Variants in ZNF337 observed in about 807,000 individuals in gnomAD.
The protein encoded by ZNF337 is zinc finger protein 337.
ZNF337 carries 8 observed loss-of-function variants against 12.1 expected under a neutral mutation model. The ratio of observed to expected loss-of-function variants is 0.66; its 90% CI spans 0.39 to 1.19. The LOEUF (loss-of-function observed/expected upper bound fraction) is 1.19. ZNF337 is among the 50% of genes most tolerant of loss of function. ZNF337 has a pLI of 0.01. For synonymous variants in ZNF337, 336 were observed against 320.0 expected, an observed-to-expected ratio of 1.05 and a Z score of -0.53; for missense variants, 882 against 896.6, an observed-to-expected ratio of 0.98 and a Z score of 0.21.
chr20:25,691,808 A>G (rs189097086), intron 1 of ZNF337, among the ~76,000 whole-genome samples: 1 of 152,294 alleles, frequency 6.6e-6, no homozygotes, highest in African/African-American at 2.4e-5. Flanking sequence ...CGTGTAGTTT[A>G]AATGGTTGTT....
chr20:25,683,229 AATCATCATCATCATC>A (rs3063022), intron 4 of ZNF337, among the ~76,000 whole-genome samples: 30 of 148,506 alleles, frequency 2.0e-4, no homozygotes, highest in South Asian at 8.7e-4. Flanking sequence ...TAGAGGTAAG[AATCATCATCATCATC>A]ATCATCATCA....
At chr20:25,679,245 C>T (rs2065740843) in intron 4 of ZNF337, among the ~76,000 whole-genome samples, 1 of 152,144 alleles carries the variant, frequency 6.6e-6, no homozygotes, top group Non-Finnish European at 1.5e-5. Flanking sequence ...TGCTTTAGGA[C>T]ACTGGCCTAA....
In ZNF337 at chr20:25,675,499, C is replaced by T; in HGVS notation, c.1789G>A (p.Glu597Lys). The change falls in exon 5 of 5, where the codon GAG becomes AAG. Residue 597 changes from glutamate (E) to lysine (K), a missense_variant. Transcript: ENST00000252979. ...LLFHQKTHSG[E>K]KPFICSECGQ... The stretch of plus-strand genomic sequence containing the variant: ...CATTCACTACAGATGAAAGGCTTCT[C>T]CCCTGAGTGTGTCTTCTGGTGGAAG... 1 of 1,614,214 alleles carries T rather than the reference C, an allele frequency of 6.2e-7. No homozygotes were observed. The highest frequency in any genetic ancestry group is 8.5e-7 in the Non-Finnish European group (1 of 1,180,036).
chr20:25,694,671 A>ATT, intron 1 of ZNF337, among the ~76,000 whole-genome samples: 1 of 152,264 alleles, frequency 6.6e-6, no homozygotes, highest in Admixed American at 6.5e-5. Flanking sequence ...ATGCCTATGT[A>ATT]TGAGGCTTGG....
chr20:25,696,619 C>T (rs987807756), intron 1 of ZNF337, 140 bp downstream of exon 1: 3 of 539,840 alleles, frequency 5.6e-6, no homozygotes, highest in African/African-American at 2.1e-5. Flanking sequence ...CTCCGCCCCT[C>T]CCCAGAACGC....
Position 25,675,135 on chromosome 20 carries a change from C to T in ZNF337, c.2153G>A (p.Cys718Tyr), listed in dbSNP as rs2065662154. The T allele has an allele frequency of 1.2e-6, 2 of 1,614,200 alleles. No homozygotes were observed. Among genetic ancestry groups the T allele is most frequent in the Non-Finnish European group, 1.7e-6 (2 of 1,180,036 alleles). Residue 718 changes from cysteine to tyrosine, a missense_variant, in exon 5 of 5, where the codon TGT becomes TAT. Coordinates refer to ENST00000252979, the MANE Select transcript of ZNF337 (RefSeq NM_015655.4). ...TGACTTATTGCTAAACTTTCGTCCA[C>T]ACTCTTGGCATTCATAAGGCCTCTC... ...TGERPYECQE[C>Y]GRKFSNKSYY... is the part of the protein sequence containing the mutation.
At position 25,676,418 on chromosome 20, in the gene ZNF337, CT is replaced by C. The variant is rs761222475; in HGVS notation, c.869del (p.Lys290SerfsTer22). On this transcript the variant is annotated frameshift_variant, in exon 5 of 5. Coordinates refer to ENST00000252979, the MANE Select transcript of ZNF337 (RefSeq NM_015655.4). LOFTEE classifies it low-confidence loss of function (END_TRUNC). ...TVHERTHTGE[K>X]PYECQECGRR... ...GCCCACACTCCTGGCATTCATAAGG[CT>C]TCTCTCCTGTGTGTGTTCTCTCATG... 2.5e-6 allele frequency: 4 copies of C among 1,614,134 alleles called. No homozygotes were observed. The highest frequency in any genetic ancestry group is 3.4e-6 in the Non-Finnish European group (4 of 1,180,032).
intron 4 of ZNF337, chr20:25,681,181 C>G (rs964722351): frequency 2.6e-5 from 4 of 152,296 alleles, no homozygotes; most frequent in African/African-American, 9.6e-5. Context: ...GCAAAGGTGC[C>G]AGCACCTTCA....
intron 4 of ZNF337, among the ~76,000 whole-genome samples, chr20:25,682,952 G>A (rs2065785064): frequency 1.3e-5 from 2 of 152,188 alleles, no homozygotes; most frequent in South Asian, 2.1e-4. Context: ...AACTGCAGCT[G>A]TGTAAGGCTA....
chr20:25,692,123 CACA>C (rs1034239423), intron 1 of ZNF337, among the ~76,000 whole-genome samples: 15 of 152,236 alleles, frequency 9.9e-5, no homozygotes, highest in African/African-American at 3.6e-4. Context: ...TTACCTAGAT[CACA>C]ACGAGAGAAG....
Position 25,676,580 on chromosome 20 carries a change from A to G in ZNF337, c.708T>C (p.Tyr236=), listed in dbSNP as rs1375759230. 11 of 1,614,180 alleles carry G rather than the reference A, an allele frequency of 6.8e-6. No homozygotes were observed. The highest frequency in any genetic ancestry group is 9.3e-6 in the Non-Finnish European group (11 of 1,180,012). The part of the protein sequence containing the change: ...HQNTHTGEKS[Y]VCSVCGRGFS... ...AGCCTCGCCCACACACACTGCACAC[A>G]TAGGACTTCTCTCCTGTGTGTGTGT... Residue 236 remains tyrosine (Y), a synonymous_variant, in exon 5 of 5, where the codon TAT becomes TAC. Transcript: ENST00000252979.
chr20:25,690,590 C>T (rs2065875471), intron 1 of ZNF337, among the ~76,000 whole-genome samples: 1 of 152,150 alleles, frequency 6.6e-6, no homozygotes, highest in African/African-American at 2.4e-5. Context: ...AAGAAAAGCA[C>T]TGGATCATGC....
At position 25,686,443 on chromosome 20, in the gene ZNF337, A is replaced by T; in HGVS notation, c.-26T>A. On this transcript the variant is annotated 5_prime_UTR_variant, in exon 2 of 5. Transcript: ENST00000252979. ...GACTGTCTTCCTGCTCTCCACGGAG[A>T]AGGGAAGCTTGCAGATGGCCAATCT... The T allele has an allele frequency of 6.2e-7, 1 of 1,613,560 alleles. No individual in the cohort carries two copies. The highest frequency in any genetic ancestry group is 8.5e-7 in the Non-Finnish European group (1 of 1,179,790).
chr20:25,684,158 A>C (rs1230575658), intron 4 of ZNF337, among the ~76,000 whole-genome samples: 1 of 139,860 alleles, frequency 7.2e-6, no homozygotes, highest in African/African-American at 2.7e-5. Flanking sequence ...AACAATGAGA[A>C]CACATGGACA....
In ZNF337 at chr20:25,675,156, C is replaced by G. The variant is rs983512903; in HGVS notation, c.2132G>C (p.Arg711Thr). 1.9e-6 allele frequency: 3 copies of G among 1,614,082 alleles called. No individual in the cohort carries two copies. The African/African-American group carries it at 4.0e-5, about 22-fold the overall frequency. ...TVHERIHTGERPYECQECGRK... is the reference protein window; with the variant it reads ...TVHERIHTGETPYECQECGRK... ...TCCACACTCTTGGCATTCATAAGGC[C>G]TCTCTCCTGTGTGTATTCTTTCATG... Residue 711 changes from arginine (R) to threonine (T), a missense_variant, in exon 5 of 5, where the codon AGG (arginine) becomes ACG (threonine). Arg to Thr is a moderately conservative substitution (Grantham distance 71). Coordinates refer to ENST00000252979, the MANE Select transcript of ZNF337 (RefSeq NM_015655.4).
At chr20:25,679,827 C>T (rs1202823301) in intron 4 of ZNF337, among the ~76,000 whole-genome samples, 4 of 152,058 alleles carry the variant, frequency 2.6e-5, no homozygotes, top group Non-Finnish European at 5.9e-5. Context: ...AAAAGGAAAT[C>T]AGTATGGCAA....
In ZNF337 at chr20:25,675,098, C is replaced by T. The variant is rs781191211; in HGVS notation, c.2190G>A (p.Lys730=). 2.5e-6 allele frequency: 4 copies of T among 1,614,054 alleles called. No homozygotes were observed. The South Asian group carries it at 4.4e-5, about 18-fold the overall frequency. ...TCTCACGTAAGTGTCTCTTTAAGTG[C>T]TTACTGTAGTATGACTTATTGCTAA... ...RKFSNKSYYS[K]HLKRHLREKR... Residue 730 remains lysine, a synonymous_variant, in exon 5 of 5, where the codon AAG becomes AAA. Transcript: ENST00000252979.
chr20:25,682,935 C>A (rs113580808), intron 4 of ZNF337, among the ~76,000 whole-genome samples: 3,487 of 152,164 alleles, frequency 0.023, 126 homozygotes, highest in African/African-American at 0.079. Context: ...TCCAAGTACT[C>A]GAGGAGAACT....
At chr20:25,681,250 C>T (rs1336721908) in intron 4 of ZNF337, 1 of 152,184 alleles carries the variant, frequency 6.6e-6, no homozygotes, top group Non-Finnish European at 1.5e-5. Context: ...TTAAGCCTCC[C>T]AGTCTATGAT....
Sources: allele counts gnomAD v4.1 joint callset (sites outside exome capture counted in the v4.1 genomes callset), GRCh38; gene constraint gnomAD v4.1.1; transcripts MANE v1.5; gene names NCBI Gene and HGNC (gene_info 2026-07-23, HGNC 2026-07-21).